ANK3: variants seen among roughly 807,000 people sequenced by gnomAD.
ANK3 encodes the protein ankyrin 3.
In ANK3, 57 loss-of-function variants were observed where a neutral mutation model predicts 370.9. The ratio of observed to expected loss-of-function variants is 0.15; its 90% CI spans 0.12 to 0.19. The LOEUF (loss-of-function observed/expected upper bound fraction) is 0.19. Ranked by LOEUF, ANK3 falls within the 10% of genes least tolerant of loss-of-function variation. The pLI, the probability that ANK3 is intolerant of heterozygous loss-of-function variation, is 1.00. For synonymous variants in ANK3, 1,929 were observed against 1,946.3 expected (o/e 0.99, Z 0.23); for missense variants, 4,439 against 5,302.1 (o/e 0.84, Z 5.06).
chr10:60,129,802 C>T (rs1488863104), intron 25 of ANK3, among the ~76,000 whole-genome samples: 2 of 151,990 alleles, frequency 1.3e-5, no homozygotes, highest in African/African-American at 2.4e-5. Flanking sequence ...AAGTGATGCT[C>T]GTAAGTGGTC....
At chr10:60,067,861 A>G (rs1054013642) in intron 38 of ANK3, 74 bp downstream of exon 38, 13 of 1,234,480 alleles carry the variant, frequency 1.1e-5, no homozygotes, top group Middle Eastern at 2.0e-4. Context: ...TAAAATATAT[A>G]TATTGAACTG....
chr10:60,388,980 C>T (rs560555507), intron 1 of ANK3, among the ~76,000 whole-genome samples: 8 of 152,220 alleles, frequency 5.3e-5, no homozygotes, highest in Admixed American at 1.3e-4. Flanking sequence ...GCCTGGGAAA[C>T]GCACGCATGT....
At chr10:60,616,160 T>C (rs1021416495) in intron 1 of ANK3, among the ~76,000 whole-genome samples, 3 of 152,178 alleles carry the variant, frequency 2.0e-5, no homozygotes, top group African/African-American at 7.2e-5. Flanking sequence ...TGCAATTTCA[T>C]GTTTCTATTT....
Position 60,109,021 on chromosome 10 carries a change from C to T in ANK3, c.2982G>A (p.Gly994=). Residue 994 remains glycine, a synonymous_variant, in exon 27 of 44, where the codon GGG becomes GGA. Coordinates refer to ENST00000280772, the MANE Select transcript of ANK3 (RefSeq NM_020987.5). ...GATGACGGCTTCCTCTCATGGAGCC[C>T]CCTCTCGCGTCCACCATAAAGCTAA... The part of the protein sequence containing the change: ...FLVSFMVDAR[G]GSMRGSRHHG... The T allele has an allele frequency of 1.2e-6, 2 of 1,613,570 alleles. No homozygotes were observed. Among genetic ancestry groups the T allele is most frequent in the Non-Finnish European group, 8.5e-7 (1 of 1,179,950 alleles).
rs140346169 is a variant in ANK3 at position 60,172,315 on chromosome 10, G to A, written c.2471C>T (p.Thr824Ile). ...TCTGCATTCCTTACTTACAGTTGTG[G>A]TCATGGTCTCTTCGGTCACTATCTT... ...TLKIVTEETMTTTTVTEKHKM... is the reference protein window; with the variant it reads ...TLKIVTEETMITTTVTEKHKM... The change falls in exon 21 of 44, where the codon ACC becomes ATC. Residue 824 changes from threonine to isoleucine, a missense_variant. Around this residue, in one of 13 missense-constraint regions of ANK3, gnomAD observed 702 missense variants for 941.5 expected, o/e 0.75. Transcript: ENST00000280772. The A allele has an allele frequency of 1.5e-5, 25 of 1,613,510 alleles. No homozygotes were observed. Among genetic ancestry groups the A allele is most frequent in the Middle Eastern group, 3.3e-4 (2 of 6,060 alleles).
chr10:60,154,453 A>G (rs2095262255), intron 23 of ANK3, among the ~76,000 whole-genome samples: 1 of 152,134 alleles, frequency 6.6e-6, no homozygotes, highest in Non-Finnish European at 1.5e-5. Context: ...ACATTTCCCA[A>G]AGTAATTCAC....
chr10:60,286,334 T>A (rs950515392), intron 1 of ANK3, among the ~76,000 whole-genome samples: 21 of 152,210 alleles, frequency 1.4e-4, no homozygotes, highest in Admixed American at 1.4e-3. Flanking sequence ...TCTATATAAG[T>A]AAAATTATAT....
intron 1 of ANK3, chr10:60,300,652 G>T: frequency 1.4e-6 from 1 of 700,424 alleles, no homozygotes; most frequent in Non-Finnish European, 1.8e-6. Context: ...GAGAATAGCA[G>T]GGCAATCAGC....
At chr10:60,175,325 G>A (rs1450475457) in intron 18 of ANK3, among the ~76,000 whole-genome samples, 1 of 152,180 alleles carries the variant, frequency 6.6e-6, no homozygotes, top group Non-Finnish European at 1.5e-5. Context: ...CATTCATCGG[G>A]GTTAACAGCA....
At chr10:60,232,807 T>G (rs1322748055) in intron 8 of ANK3, among the ~76,000 whole-genome samples, 3 of 152,188 alleles carry the variant, frequency 2.0e-5, no homozygotes, top group African/African-American at 4.8e-5. Context: ...CTCTGTCACC[T>G]GCTATGTCTG....
chr10:60,294,243 T>A lies in ANK3; in HGVS notation c.115-14604A>T, dbSNP rs139891358. 2.0e-4 allele frequency among the ~76,000 whole-genome samples: 31 copies of A among 152,286 alleles called. No homozygotes were observed. In the East Asian group the frequency reaches 5.8e-3, roughly 28 times the overall value. On this transcript the variant is annotated intron_variant, in intron 1 of 43. Coordinates refer to ENST00000280772, the MANE Select transcript of ANK3 (RefSeq NM_020987.5). The stretch of plus-strand genomic sequence containing the variant: ...TGCAAACATAACTATTTTCTTGCAA[T>A]GCATAAATATACTCTATATGGTGCG...
intron 2 of ANK3, among the ~76,000 whole-genome samples, chr10:60,540,063 A>C (rs2133213989): frequency 6.6e-6 from 1 of 152,002 alleles, no homozygotes; most frequent in East Asian, 1.9e-4. Context: ...GTGATTGATA[A>C]GAAGAAAATG....
chr10:60,725,969 C>T (rs571239329), intron 1 of ANK3, among the ~76,000 whole-genome samples: 1 of 152,266 alleles, frequency 6.6e-6, no homozygotes, highest in African/African-American at 2.4e-5. Flanking sequence ...TGGCCCTCTA[C>T]TAGTCCTAAA....
At chr10:60,327,011 G>A (rs1179345716) in intron 1 of ANK3, among the ~76,000 whole-genome samples, 1 of 133,572 alleles carries the variant, frequency 7.5e-6, no homozygotes, top group Non-Finnish European at 1.5e-5. Flanking sequence ...CCGAGACTCC[G>A]TCTCAAAAAA....
intron 42 of ANK3, chr10:60,043,304 T>G (rs1002442): frequency 0.18 from 178,278 of 985,230 alleles, 17,143 homozygotes; most frequent in Middle Eastern, 0.21. Flanking sequence ...GCACAAATAC[T>G]CAGTTTTTAC....
chr10:60,527,698 C>T (rs1291231838), intron 2 of ANK3, among the ~76,000 whole-genome samples: 1 of 152,070 alleles, frequency 6.6e-6, no homozygotes, highest in Admixed American at 6.6e-5. Flanking sequence ...GGAAATAATC[C>T]CTGTACTTCA....
At chr10:60,215,418 C>T (rs2096921888) in intron 8 of ANK3, among the ~76,000 whole-genome samples, 1 of 152,130 alleles carries the variant, frequency 6.6e-6, no homozygotes, top group Non-Finnish European at 1.5e-5. Flanking sequence ...GCGTTTTTGT[C>T]ATGAAATCTT....
intron 30 of ANK3, 181 bp downstream of exon 30, chr10:60,086,496 C>CGTATCATT: frequency 1.9e-6 from 1 of 517,016 alleles, no homozygotes; most frequent in South Asian, 4.2e-5. Context: ...AGGATCTTCC[C>CGTATCATT]AAGAAATGAT....
intron 39 of ANK3, 98 bp downstream of exon 39, chr10:60,064,059 A>G: frequency 8.4e-7 from 1 of 1,192,918 alleles, no homozygotes; most frequent in East Asian, 2.7e-5. Flanking sequence ...AAGATTACAG[A>G]AAATTACAAC....
Sources: gnomAD v4.1 joint callset for allele counts (sites outside exome capture counted in the v4.1 genomes callset) on GRCh38, gnomAD v4.1.1 for gene constraint, gnomAD v4.1.1 regional missense constraint, MANE v1.5 for transcripts, NCBI Gene and HGNC (gene_info 2026-07-23, HGNC 2026-07-21) for gene names.